RAD51B: variants seen among roughly 807,000 people sequenced by gnomAD.
RAD51B encodes the protein RAD51 paralog B, also known as DNA repair protein RAD51 homolog 2.
In RAD51B, 38 loss-of-function variants were observed where a neutral mutation model predicts 42.2. The observed-to-expected ratio is 0.90, with a 90% confidence interval of 0.70 to 1.18. The LOEUF (loss-of-function observed/expected upper bound fraction) is 1.18, where lower values mean the gene tolerates loss of function less well. RAD51B is among the 50% of genes most tolerant of loss of function. The pLI is 0.00. For synonymous variants in RAD51B, 154 were observed against 145.2 expected, an observed-to-expected ratio of 1.06 and a Z score of -0.43; for missense variants, 373 against 400.7, an observed-to-expected ratio of 0.93 and a Z score of 0.59.
At chr14:67,904,853 C>T (rs2043730816) in intron 7 of RAD51B, among the ~76,000 whole-genome samples, 1 of 150,940 alleles carries the variant, frequency 6.6e-6, no homozygotes, top group African/African-American at 2.4e-5. Context: ...ATATTTTCTC[C>T]CTTTAGGTTA....
intron 10 of RAD51B, among the ~76,000 whole-genome samples, chr14:68,566,057 G>A (rs150523627): frequency 2.4e-4 from 36 of 152,302 alleles, no homozygotes; most frequent in Admixed American, 9.1e-4. Flanking sequence ...ACCTCACTTC[G>A]CTGGGCCTTG....
At chr14:68,567,213 C>A (rs1354092459) in intron 10 of RAD51B, among the ~76,000 whole-genome samples, 2 of 152,044 alleles carry the variant, frequency 1.3e-5, no homozygotes, top group South Asian at 4.1e-4. Flanking sequence ...GCAGGAGAAT[C>A]GCTTGAACTT....
intron 11 of RAD51B, among the ~76,000 whole-genome samples, chr14:68,668,701 A>G (rs1893085707): frequency 6.6e-6 from 1 of 152,262 alleles, no homozygotes; most frequent in Non-Finnish European, 1.5e-5. Flanking sequence ...CGCCCGAGTC[A>G]TCTCACAGAT....
At chr14:68,531,559 A>G (rs144448159) in intron 10 of RAD51B, among the ~76,000 whole-genome samples, 3 of 152,356 alleles carry the variant, frequency 2.0e-5, no homozygotes, top group African/African-American at 7.2e-5. Flanking sequence ...ATGCCCCTAA[A>G]AACATAACCT....
At chr14:68,069,823 G>T (rs1015944882) in intron 7 of RAD51B, among the ~76,000 whole-genome samples, 1 of 152,082 alleles carries the variant, frequency 6.6e-6, no homozygotes, top group Non-Finnish European at 1.5e-5. Context: ...GGATTGCTGG[G>T]TCAAAAGGTA....
chr14:68,254,332 C>T (rs538343190), intron 7 of RAD51B, among the ~76,000 whole-genome samples: 201 of 152,270 alleles, frequency 1.3e-3, no homozygotes, highest in African/African-American at 4.6e-3. Flanking sequence ...TTAGCATCAG[C>T]CCCTCTCCCC....
chr14:68,549,076 T>C (rs1020340651), intron 10 of RAD51B, among the ~76,000 whole-genome samples: 1 of 151,936 alleles, frequency 6.6e-6, no homozygotes, highest in African/African-American at 2.4e-5. Flanking sequence ...GGAGTCAGAG[T>C]GGGAGCTGAG....
At chr14:68,506,062 C>T (rs1885293958) in intron 10 of RAD51B, among the ~76,000 whole-genome samples, 1 of 152,110 alleles carries the variant, frequency 6.6e-6, no homozygotes, top group African/African-American at 2.4e-5. Context: ...TGTGTCTTTG[C>T]TTATGTGGCT....
intron 7 of RAD51B, among the ~76,000 whole-genome samples, chr14:68,004,819 G>A (rs2075553042): frequency 6.6e-6 from 1 of 151,844 alleles, no homozygotes; most frequent in Admixed American, 6.6e-5. Context: ...TTTTAGGGGG[G>A]TTTGGTTCGT....
intron 7 of RAD51B, among the ~76,000 whole-genome samples, chr14:67,958,042 G>A (rs1339631064): frequency 6.6e-6 from 1 of 152,070 alleles, no homozygotes; most frequent in African/African-American, 2.4e-5. Flanking sequence ...CTCACATTTT[G>A]TAAATATTTA....
At chr14:67,858,238 T>C (rs1448074670) in intron 4 of RAD51B, among the ~76,000 whole-genome samples, 2 of 152,160 alleles carry the variant, frequency 1.3e-5, no homozygotes, top group Non-Finnish European at 2.9e-5. Flanking sequence ...TACCCGCACT[T>C]GGTGGGTCCC....
At chr14:68,418,223 G>A (rs1056399309) in intron 9 of RAD51B, among the ~76,000 whole-genome samples, 2 of 152,128 alleles carry the variant, frequency 1.3e-5, no homozygotes, top group African/African-American at 4.8e-5. Flanking sequence ...AAAGTAGAAA[G>A]GACATATCTA....
intron 8 of RAD51B, among the ~76,000 whole-genome samples, chr14:68,343,122 ATACT>A (rs66656261): frequency 0.5 from 75,578 of 151,710 alleles, 21,611 homozygotes; most frequent in South Asian, 0.66. Context: ...ATCGCTCCAA[ATACT>A]TACCAGTTTT....
downstream of RAD51B, among the ~76,000 whole-genome samples, chr14:68,481,008 C>G (rs919208093): frequency 2.6e-5 from 4 of 152,226 alleles, no homozygotes; most frequent in African/African-American, 9.6e-5. Flanking sequence ...GGGCTGCACT[C>G]TCTTTTGAGA....
chr14:68,096,565 T>G (rs1387665818), intron 7 of RAD51B, among the ~76,000 whole-genome samples: 1 of 152,216 alleles, frequency 6.6e-6, no homozygotes, highest in Non-Finnish European at 1.5e-5. Context: ...AATTCAGTAT[T>G]CTTTCTGTGG....
intron 8 of RAD51B, among the ~76,000 whole-genome samples, chr14:68,391,136 G>GTCAT (rs1555402753): frequency 7.1e-6 from 1 of 141,558 alleles, no homozygotes; most frequent in Non-Finnish European, 1.5e-5. Flanking sequence ...TATGAGACTT[G>GTCAT]TCTTTCTTTC....
chr14:67,984,843 A>G (rs987572070), intron 7 of RAD51B, among the ~76,000 whole-genome samples: 15 of 152,256 alleles, frequency 9.9e-5, no homozygotes, highest in Admixed American at 4.6e-4. Context: ...CTCATCCTAT[A>G]TACATTTTAC....
intron 9 of RAD51B, among the ~76,000 whole-genome samples, chr14:68,465,768 C>G (rs1450352389): frequency 6.6e-6 from 1 of 151,724 alleles, no homozygotes; most frequent in Non-Finnish European, 1.5e-5. Flanking sequence ...AGTAAAACCC[C>G]GTCTCCACTA....
chr14:68,146,845 C>T lies in RAD51B; in HGVS notation c.757-145039C>T, dbSNP rs148967440. ...GTGTTGGGAGGGGGTGTTCCTTGTG[C>T]CTATTTGTACACAATGTCTTAGATT... On this transcript the variant is annotated intron_variant, in intron 7 of 10. Transcript: ENST00000471583. 4.0e-4 allele frequency among the ~76,000 whole-genome samples: 61 copies of T among 151,952 alleles called. No homozygotes were observed. The East Asian group carries it at 6.8e-3, about 17-fold the overall frequency.
Sources: allele counts gnomAD v4.1 joint callset (sites outside exome capture counted in the v4.1 genomes callset), GRCh38; gene constraint gnomAD v4.1.1; transcripts MANE v1.5; gene names NCBI Gene and HGNC (gene_info 2026-07-23, HGNC 2026-07-21).